Variants in RSPH14 observed in about 807,000 individuals in gnomAD.
RSPH14 encodes the protein radial spoke head 14 homolog.
A neutral mutation model predicts 26.7 loss-of-function variants in RSPH14; 20 were observed. The ratio of observed to expected loss-of-function variants is 0.75; its 90% confidence interval spans 0.53 to 1.09. The LOEUF (loss-of-function observed/expected upper bound fraction) is 1.09, where lower values mean the gene tolerates loss of function less well. RSPH14 is among the 50% of genes least tolerant of loss of function. The pLI is 0.00. For synonymous variants in RSPH14, 177 were observed against 189.3 expected (o/e 0.93, Z 0.53); for missense variants, 449 against 457.2 (o/e 0.98, Z 0.16).
the RSPH14 span, among the ~76,000 whole-genome samples, chr22:23,178,135 G>A: frequency 6.6e-6 from 1 of 152,164 alleles, no homozygotes; most frequent in Non-Finnish European, 1.5e-5. Context: ...GGCCATTGAG[G>A]GCTGGGTGCA....
intron 4 of RSPH14, among the ~76,000 whole-genome samples, chr22:23,130,158 AG>A (rs945322449): frequency 7.0e-6 from 1 of 142,914 alleles, no homozygotes; most frequent in African/African-American, 2.6e-5. Flanking sequence ...AAAGAAAGAA[AG>A]AAAAAGAAAA....
At chr22:23,088,349 GA>G (rs764114881) in intron 4 of RSPH14, among the ~76,000 whole-genome samples, 28 of 152,192 alleles carry the variant, frequency 1.8e-4, no homozygotes, top group Admixed American at 7.9e-4. Context: ...ATCCTTGTGT[GA>G]GGAAGGGCCT....
chr22:23,145,623 G>C (rs2070720069), upstream of RSPH14: 1 of 1,473,206 alleles, frequency 6.8e-7, no homozygotes, highest in Non-Finnish European at 9.1e-7. Flanking sequence ...CCGAGGCCAG[G>C]GCCGCGAGGG....
At chr22:23,148,860 T>C (rs917827310), upstream of RSPH14, among the ~76,000 whole-genome samples, 3 of 152,226 alleles carry the variant, frequency 2.0e-5, no homozygotes, top group African/African-American at 7.2e-5. Flanking sequence ...AGCCAGCTTG[T>C]TCATGGTAGC....
chr22:23,090,700 C>T (rs1397013175), intron 4 of RSPH14, among the ~76,000 whole-genome samples: 1 of 152,180 alleles, frequency 6.6e-6, no homozygotes, highest in African/African-American at 2.4e-5. Context: ...TCATCTCTTA[C>T]CAGGAGGCCA....
At chr22:23,164,918 C>T in the RSPH14 span, among the ~76,000 whole-genome samples, 4 of 151,784 alleles carry the variant, frequency 2.6e-5, no homozygotes, top group Admixed American at 6.6e-5. Flanking sequence ...CCCACAGGCC[C>T]CTGTGCTCCA....
upstream of RSPH14, chr22:23,145,532 A>G: frequency 6.2e-7 from 1 of 1,602,552 alleles, no homozygotes; most frequent in Non-Finnish European, 8.5e-7. Context: ...GCGGAGCCCC[A>G]GCTTTCACAG....
At chr22:23,121,219 T>C (rs1410562919) in intron 4 of RSPH14, among the ~76,000 whole-genome samples, 1 of 152,202 alleles carries the variant, frequency 6.6e-6, no homozygotes, top group Non-Finnish European at 1.5e-5. Context: ...TCCTCAGGAC[T>C]CCTGTTATTC....
chr22:23,093,935 G>A (rs914793648), intron 4 of RSPH14, among the ~76,000 whole-genome samples: 5 of 152,212 alleles, frequency 3.3e-5, no homozygotes, highest in Non-Finnish European at 7.3e-5. Flanking sequence ...GGATCGCCAG[G>A]ACTAGTGGTC....
the RSPH14 span, chr22:23,150,252 C>A: frequency 4.2e-6 from 4 of 962,718 alleles, no homozygotes; most frequent in South Asian, 1.4e-5. Flanking sequence ...ACACACGAGG[C>A]TGGTGCAGCC....
At chr22:23,078,838 G>T (rs2068585331) in intron 4 of RSPH14, among the ~76,000 whole-genome samples, 1 of 152,212 alleles carries the variant, frequency 6.6e-6, no homozygotes, top group Non-Finnish European at 1.5e-5. Context: ...ACAAGATGAG[G>T]GGACATCCTG....
chr22:23,147,286 C>G (rs1050901154), upstream of RSPH14, among the ~76,000 whole-genome samples: 13 of 152,072 alleles, frequency 8.5e-5, no homozygotes, highest in Non-Finnish European at 1.5e-4. Context: ...ACAATATTTA[C>G]CAATATAGAA....
chr22:23,070,435 G>A (rs2068325905), intron 4 of RSPH14: 1 of 147,996 alleles, frequency 6.8e-6, no homozygotes. Flanking sequence ...GCCGCCCGCG[G>A]TCCGGTCACG....
chr22:23,074,201 A>T (rs1232740787), intron 4 of RSPH14, among the ~76,000 whole-genome samples: 2 of 152,046 alleles, frequency 1.3e-5, no homozygotes, highest in Non-Finnish European at 1.5e-5. Flanking sequence ...GCTAATCTAC[A>T]CTTTGAAAAG....
the RSPH14 span, chr22:23,159,026 C>T: frequency 1.3e-6 from 2 of 1,599,392 alleles, no homozygotes; most frequent in Admixed American, 1.7e-5. Flanking sequence ...GGGAAAATGC[C>T]TCCCCTTACA....
At chr22:23,150,265 G>A in the RSPH14 span, 1 of 819,614 alleles carries the variant, frequency 1.2e-6, no homozygotes, top group Non-Finnish European at 2.0e-6. Context: ...GTGCAGCCCT[G>A]TACAGGCCTG....
rs1238911764 is a variant in RSPH14 at position 23,060,457 on chromosome 22, G to A, written c.791-739C>T. On this transcript the variant is annotated intron_variant, in intron 6 of 6. Coordinates refer to ENST00000216036, the MANE Select transcript of RSPH14 (RefSeq NM_014433.3). ...TGCACTCCAGCCTGGGCGACAGAGC[G>A]AGACTCCATCTCAAAAAAAAAAAAA... is the stretch of plus-strand genomic sequence containing the variant. 1.8e-4 allele frequency among the ~76,000 whole-genome samples: 27 copies of A among 150,216 alleles called. No homozygotes were observed. The South Asian group carries it at 3.8e-3, about 21-fold the overall frequency.
chr22:23,092,109 G>A (rs1438873035), intron 4 of RSPH14, among the ~76,000 whole-genome samples: 1 of 137,664 alleles, frequency 7.3e-6, no homozygotes, highest in East Asian at 2.1e-4. Flanking sequence ...TCTGGGCCAG[G>A]GAACAATGTG....
chr22:23,080,570 C>A lies in RSPH14; in HGVS notation c.422-16437G>T, dbSNP rs144366893. ...AGGAGGACCTGTTTCTAAGGTGAGACCCGTTGCGGATCTGCAGGTGCAAGG... is the reference window on the plus strand; with the variant it reads ...AGGAGGACCTGTTTCTAAGGTGAGAACCGTTGCGGATCTGCAGGTGCAAGG... On this transcript the variant is annotated intron_variant, in intron 4 of 6. Transcript: ENST00000216036. 8.1e-4 allele frequency among the ~76,000 whole-genome samples: 123 copies of A among 152,298 alleles called. 3 individuals are homozygous for A. The East Asian group carries it at 0.022, about 28-fold the overall frequency.
Sources: allele counts gnomAD v4.1 joint callset (sites outside exome capture counted in the v4.1 genomes callset), GRCh38; gene constraint gnomAD v4.1.1; transcripts MANE v1.5; gene names NCBI Gene and HGNC (gene_info 2026-07-23, HGNC 2026-07-21).